CPQ: variants seen among roughly 807,000 people sequenced by gnomAD.
The protein encoded by CPQ is Ser-Met dipeptidase.
In CPQ, 37 loss-of-function variants were observed where a neutral mutation model predicts 45.7. The ratio of observed to expected loss-of-function variants is 0.81; its 90% CI spans 0.62 to 1.07. The LOEUF is 1.07. Ranked by LOEUF, CPQ falls within the 50% of genes least tolerant of loss-of-function variation. The probability of loss-of-function intolerance (pLI) is 0.00; values close to 1 mark genes in which losing one functional copy is unlikely to be tolerated. For missense variants in CPQ, 537 were observed against 572.9 expected (o/e 0.94, Z 0.64); for synonymous variants, 186 against 205.8 (o/e 0.90, Z 0.82).
At chr8:96,790,696 C>T (rs1408461924) in intron 2 of CPQ, among the ~76,000 whole-genome samples, 1 of 152,118 alleles carries the variant, frequency 6.6e-6, no homozygotes, top group South Asian at 2.1e-4. Context: ...GAGAGGAAAG[C>T]AGATCATGAC....
chr8:96,809,025 A>C (rs1811124083), intron 2 of CPQ, among the ~76,000 whole-genome samples: 2 of 152,116 alleles, frequency 1.3e-5, no homozygotes, highest in African/African-American at 4.8e-5. Context: ...GGGATACATA[A>C]ATTTGTACTA....
chr8:96,790,675 G>T (rs1810834883), intron 2 of CPQ, among the ~76,000 whole-genome samples: 1 of 152,102 alleles, frequency 6.6e-6, no homozygotes, highest in Non-Finnish European at 1.5e-5. Context: ...GTAACATGGG[G>T]CTGGGGGTGG....
intron 7 of CPQ, among the ~76,000 whole-genome samples, chr8:97,126,424 CCT>C (rs1563588335): frequency 6.6e-6 from 1 of 152,058 alleles, no homozygotes; most frequent in Non-Finnish European, 1.5e-5. Flanking sequence ...GCATGAGAAC[CCT>C]CTCTTCGTGA....
chr8:96,914,727 C>T lies in CPQ; in HGVS notation c.849+34722C>T, dbSNP rs1365725134. Among the ~76,000 whole-genome samples the T allele has an allele frequency of 3.3e-5, 5 of 152,044 alleles. No homozygotes were observed. In the East Asian group the frequency reaches 7.7e-4, roughly 23 times the overall value. Reference sequence around the variant, plus strand: ...TAATTTCAAACCCAGTTTGCTGACTCCAACTCGCCATAATGTTCCCCACCT... The same window carrying T: ...TAATTTCAAACCCAGTTTGCTGACTTCAACTCGCCATAATGTTCCCCACCT... On this transcript the variant is annotated intron_variant, in intron 4 of 7. Transcript: ENST00000220763.
Position 96,713,933 on chromosome 8 carries a change from T to A in CPQ, c.-35+68531T>A, listed in dbSNP as rs562262178. On this transcript the variant is annotated intron_variant, in intron 1 of 7. Transcript: ENST00000220763. Reference sequence around the variant, plus strand: ...TGCTGGATACAAAATTCTTGGTTGATAGTTATTCTTTTTAAGAGGCTAAAG... The same window carrying A: ...TGCTGGATACAAAATTCTTGGTTGAAAGTTATTCTTTTTAAGAGGCTAAAG... 2.6e-5 allele frequency among the ~76,000 whole-genome samples: 4 copies of A among 152,354 alleles called. 1 individual carries two copies. In the South Asian group the frequency reaches 6.2e-4, roughly 24 times the overall value.
At chr8:96,776,566 A>T (rs185594399) in intron 1 of CPQ, among the ~76,000 whole-genome samples, 2 of 152,270 alleles carry the variant, frequency 1.3e-5, no homozygotes, top group Admixed American at 1.3e-4. Flanking sequence ...TTTTCGAATG[A>T]TAATTTTTAG....
At chr8:96,957,669 C>T (rs1049984080) in intron 4 of CPQ, among the ~76,000 whole-genome samples, 2 of 151,916 alleles carry the variant, frequency 1.3e-5, no homozygotes, top group Non-Finnish European at 2.9e-5. Context: ...CCTGGTGGCA[C>T]GTGCCTGTAA....
At chr8:96,878,112 T>C (rs564365395) in intron 3 of CPQ, among the ~76,000 whole-genome samples, 43 of 152,220 alleles carry the variant, frequency 2.8e-4, no homozygotes, top group African/African-American at 1.0e-3. Flanking sequence ...ATTACAGGCA[T>C]GTGCCACCAC....
Position 96,652,053 on chromosome 8 carries a change from G to A in CPQ, c.-35+6651G>A, listed in dbSNP as rs1046168661. 3.4e-4 allele frequency among the ~76,000 whole-genome samples: 52 copies of A among 152,256 alleles called. 1 individual carries two copies. The highest frequency in any genetic ancestry group is 1.3e-3 in the African/African-American group (52 of 41,540). The stretch of plus-strand genomic sequence containing the variant: ...CAGTATAATTAACTATAGTCATCAT[G>A]CTGACAATATAATCTCAAAAAATTT... On this transcript the variant is annotated intron_variant, in intron 1 of 7. Transcript: ENST00000220763.
intron 6 of CPQ, among the ~76,000 whole-genome samples, chr8:97,029,739 G>T (rs1271909216): frequency 2.6e-5 from 4 of 152,094 alleles, no homozygotes; most frequent in Non-Finnish European, 5.9e-5. Flanking sequence ...AATTCCAATT[G>T]CCATGCTGCC....
intron 3 of CPQ, among the ~76,000 whole-genome samples, chr8:96,863,611 A>G (rs989957124): frequency 2.0e-5 from 3 of 152,070 alleles, no homozygotes; most frequent in East Asian, 1.9e-4. Context: ...TAGGTTTCTC[A>G]TAGTCAAGAA....
intron 1 of CPQ, among the ~76,000 whole-genome samples, chr8:96,756,666 C>T (rs192004298): frequency 2.0e-5 from 3 of 152,182 alleles, no homozygotes; most frequent in Admixed American, 2.0e-4. Context: ...TAACTTGTTT[C>T]ATATTTGGAC....
intron 6 of CPQ, among the ~76,000 whole-genome samples, chr8:97,045,642 T>TG (rs1045400463): frequency 3.9e-5 from 6 of 152,198 alleles, no homozygotes; most frequent in African/African-American, 1.4e-4. Flanking sequence ...TCAGTATTTC[T>TG]TTTTTAAACC....
chr8:97,120,391 C>T (rs1222070517), intron 7 of CPQ, among the ~76,000 whole-genome samples: 1 of 150,224 alleles, frequency 6.7e-6, no homozygotes, highest in Non-Finnish European at 1.5e-5. Context: ...CTGATCTATT[C>T]CTTTACTGAT....
chr8:97,040,489 T>G (rs1810099090), intron 6 of CPQ, among the ~76,000 whole-genome samples: 3 of 152,194 alleles, frequency 2.0e-5, no homozygotes, highest in Admixed American at 2.0e-4. Context: ...TTAGTTTAAT[T>G]AGATCCTATT....
At chr8:96,813,793 T>C (rs1474312712) in intron 2 of CPQ, among the ~76,000 whole-genome samples, 10 of 151,306 alleles carry the variant, frequency 6.6e-5, no homozygotes, top group Non-Finnish European at 1.3e-4. Flanking sequence ...ATTCCAGAGA[T>C]TATCTGTCTT....
chr8:96,700,516 T>G (rs1308686409), intron 1 of CPQ, among the ~76,000 whole-genome samples: 1 of 152,118 alleles, frequency 6.6e-6, no homozygotes, highest in African/African-American at 2.4e-5. Context: ...TTCTCAGTCA[T>G]GTATAGTGCT....
chr8:97,049,824 A>T (rs1810327380), intron 6 of CPQ, among the ~76,000 whole-genome samples: 1 of 152,224 alleles, frequency 6.6e-6, no homozygotes, highest in Non-Finnish European at 1.5e-5. Flanking sequence ...CCCTTTGGTC[A>T]TTAGCAGTGA....
At chr8:96,804,873 C>G (rs981182398) in intron 2 of CPQ, among the ~76,000 whole-genome samples, 6 of 151,584 alleles carry the variant, frequency 4.0e-5, no homozygotes, top group Non-Finnish European at 8.8e-5. Flanking sequence ...AGTACATTTT[C>G]TATACTTAAT....
Sources: allele counts gnomAD v4.1 joint callset (sites outside exome capture counted in the v4.1 genomes callset), GRCh38; gene constraint gnomAD v4.1.1; transcripts MANE v1.5; gene names NCBI Gene and HGNC (gene_info 2026-07-23, HGNC 2026-07-21).